The following LHFPL1 variants were observed in gnomAD, a reference collection of about 807,000 sequenced individuals.
LHFPL1 encodes LHFPL tetraspan subfamily member 1.
A neutral mutation model predicts 12.1 loss-of-function variants in LHFPL1; 4 were observed. That is an observed-to-expected ratio of 0.33 (90% CI 0.16 to 0.76). The LOEUF (loss-of-function observed/expected upper bound fraction) is 0.76. LHFPL1 is among the 30% of genes least tolerant of loss of function. LHFPL1 has a pLI of 0.61. For missense variants in LHFPL1, 141 were observed against 174.1 expected, an observed-to-expected ratio of 0.81 and a Z score of 1.07; for synonymous variants, 52 against 61.9, an observed-to-expected ratio of 0.84 and a Z score of 0.75.
chrX:112,674,541 T>A (rs1244906447), intron 1 of LHFPL1, among the ~76,000 whole-genome samples: 6 of 108,497 alleles, frequency 5.5e-5, no homozygotes, highest in African/African-American at 1.7e-4. Flanking sequence ...AATCTATACA[T>A]CTGACAAAGT....
chrX:112,644,344 ATTGCTT>A (rs1202917730), intron 3 of LHFPL1, among the ~76,000 whole-genome samples: 1 of 110,774 alleles, frequency 9.0e-6, no homozygotes, highest in Non-Finnish European at 1.9e-5. Context: ...CCTTAAGTAG[ATTGCTT>A]TAGTTTTTAT....
At chrX:112,662,092 C>T (rs1248867017) in intron 2 of LHFPL1, among the ~76,000 whole-genome samples, 1 of 112,392 alleles carries the variant, frequency 8.9e-6, no homozygotes, top group East Asian at 2.8e-4. Context: ...ATAATAAATT[C>T]CCTTTTCACT....
chrX:112,657,464 A>C (rs1931040212), intron 3 of LHFPL1, among the ~76,000 whole-genome samples: 1 of 112,281 alleles, frequency 8.9e-6, no homozygotes, highest in Non-Finnish European at 1.9e-5. Context: ...ATGGAAATGC[A>C]AAGGAATCAG....
chrX:112,658,250 C>T (rs1228135502), intron 3 of LHFPL1, among the ~76,000 whole-genome samples: 3 of 109,276 alleles, frequency 2.7e-5, no homozygotes, highest in African/African-American at 1.0e-4. Flanking sequence ...ATAGTGAAAC[C>T]CCATCTCTCC....
At chrX:112,668,384 G>C (rs1321138458) in intron 2 of LHFPL1, among the ~76,000 whole-genome samples, 2 of 112,423 alleles carry the variant, frequency 1.8e-5, no homozygotes, top group African/African-American at 6.5e-5. Flanking sequence ...AGGCAGGAAT[G>C]GTTCTTAATT....
chrX:112,660,834 AC>A, intron 2 of LHFPL1, 109 bp from the exon 3 acceptor site: 1 of 536,630 alleles, frequency 1.9e-6, no homozygotes, highest in Non-Finnish European at 3.0e-6. Flanking sequence ...CTGAGCTTAC[AC>A]TTCCCCCTTT....
intron 2 of LHFPL1, among the ~76,000 whole-genome samples, chrX:112,665,483 G>A (rs573943560): frequency 8.9e-6 from 1 of 111,780 alleles, no homozygotes; most frequent in South Asian, 3.7e-4. Context: ...GAGCCACCGC[G>A]CCAGGCCTGA....
chrX:112,644,008 C>T (rs192337324), intron 3 of LHFPL1, among the ~76,000 whole-genome samples: 128 of 112,280 alleles, frequency 1.1e-3, no homozygotes, highest in African/African-American at 4.0e-3. Flanking sequence ...CTGATTCCCC[C>T]ACTGCCTGCT....
At chrX:112,656,194 A>G (rs952433348) in intron 3 of LHFPL1, among the ~76,000 whole-genome samples, 7 of 111,729 alleles carry the variant, frequency 6.3e-5, no homozygotes, top group African/African-American at 2.3e-4. Flanking sequence ...CAAGAAATGC[A>G]AGGTTGGTTT....
chrX:112,668,177 T>C (rs1330493649), intron 2 of LHFPL1, among the ~76,000 whole-genome samples: 1 of 112,043 alleles, frequency 8.9e-6, no homozygotes, highest in African/African-American at 3.2e-5. Flanking sequence ...TGTGTCTTTA[T>C]CCATGGGGCC....
chrX:112,632,820 C>T (rs1930227493), intron 3 of LHFPL1, among the ~76,000 whole-genome samples: 2 of 111,671 alleles, frequency 1.8e-5, no homozygotes, highest in East Asian at 5.6e-4. Context: ...CCATTCAGGC[C>T]AGCCTAATTT....
intron 1 of LHFPL1, among the ~76,000 whole-genome samples, chrX:112,674,034 C>G (rs1931586343): frequency 8.9e-6 from 1 of 111,807 alleles, no homozygotes; most frequent in Non-Finnish European, 1.9e-5. Context: ...ATCATACTAC[C>G]TGATTTCAAA....
At chrX:112,639,030 C>A (rs896417296) in intron 3 of LHFPL1, among the ~76,000 whole-genome samples, 6 of 112,106 alleles carry the variant, frequency 5.4e-5, no homozygotes, top group African/African-American at 1.9e-4. Flanking sequence ...TAGGTAGCAA[C>A]ATAAAAACAT....
At chrX:112,643,393 A>G (rs1054744817) in intron 3 of LHFPL1, among the ~76,000 whole-genome samples, 20 of 109,081 alleles carry the variant, frequency 1.8e-4, no homozygotes, top group Non-Finnish European at 3.0e-4. Flanking sequence ...AAAAAAAAAA[A>G]AAAAAAGAAA....
intron 3 of LHFPL1, among the ~76,000 whole-genome samples, chrX:112,653,432 T>C (rs1930909695): frequency 8.9e-6 from 1 of 112,198 alleles, no homozygotes; most frequent in South Asian, 3.7e-4. Context: ...TAAAATAATG[T>C]ATGGGATATA....
chrX:112,660,798 G>C, intron 2 of LHFPL1, 73 bp from the exon 3 acceptor site: 1 of 754,779 alleles, frequency 1.3e-6, no homozygotes, highest in Non-Finnish European at 2.0e-6. Flanking sequence ...CTTTGGATTA[G>C]TTCAGCTCAA....
chrX:112,644,502 T>C (rs908628100), intron 3 of LHFPL1, among the ~76,000 whole-genome samples: 1 of 110,824 alleles, frequency 9.0e-6, no homozygotes, highest in African/African-American at 3.3e-5. Flanking sequence ...GGACCTGATA[T>C]CTGCTCTTCT....
At chrX:112,649,952 G>A (rs1930804666) in intron 3 of LHFPL1, among the ~76,000 whole-genome samples, 1 of 103,391 alleles carries the variant, frequency 9.7e-6, no homozygotes, top group Admixed American at 1.1e-4. Flanking sequence ...TTCATGTGTG[G>A]AACAAATAAA....
At chrX:112,675,351 G>T (rs760006067) in intron 1 of LHFPL1, among the ~76,000 whole-genome samples, 1 of 111,138 alleles carries the variant, frequency 9.0e-6, no homozygotes, top group South Asian at 3.9e-4. Context: ...CTATCTCTGT[G>T]TAGTGCCGTG....
Sources: gnomAD v4.1 joint callset for allele counts (sites outside exome capture counted in the v4.1 genomes callset) on GRCh38, gnomAD v4.1.1 for gene constraint, MANE v1.5 for transcripts, NCBI Gene and HGNC (gene_info 2026-07-23, HGNC 2026-07-21) for gene names.